Variants in GSTA3 observed in about 807,000 individuals in gnomAD.
The protein encoded by GSTA3 is glutathione S-transferase alpha 3.
In GSTA3, 16 loss-of-function variants were observed where a neutral mutation model predicts 23.1. That is an observed-to-expected ratio of 0.69 (90% CI 0.47 to 1.05). GSTA3 has a LOEUF of 1.05. Ranked by LOEUF, GSTA3 falls within the 50% of genes least tolerant of loss-of-function variation. The pLI, the probability that GSTA3 is intolerant of heterozygous loss-of-function variation, is 0.00. For synonymous variants in GSTA3, 122 were observed against 91.0 expected (o/e 1.34, Z -1.94); for missense variants, 319 against 263.6 (o/e 1.21, Z -1.46).
intron 5 of GSTA3, among the ~76,000 whole-genome samples, chr6:52,898,349 A>G (rs1460323867): frequency 6.6e-6 from 1 of 152,158 alleles, no homozygotes; most frequent in Non-Finnish European, 1.5e-5. Flanking sequence ...TCCCTTGGGC[A>G]GTGACTCCAC....
intron 6 of GSTA3, 52 bp from the exon 7 acceptor site, chr6:52,896,980 A>G: frequency 1.2e-6 from 2 of 1,607,982 alleles, no homozygotes; most frequent in Non-Finnish European, 1.7e-6. Flanking sequence ...TGCCACCACC[A>G]TTAATACCAC....
rs1376766637 is a variant in GSTA3, at chr6:52,905,475, C to A, written c.87+273G>T. Among the ~76,000 whole-genome samples the A allele has an allele frequency of 7.9e-5, 12 of 152,016 alleles. No individual in the cohort carries two copies. In the East Asian group the frequency reaches 2.3e-3, roughly 29 times the overall value. ...GTTATATTTTATAGTTTGTTTAAAT[C>A]CTAATGCAAATAAGGTCCACTCATT... On this transcript the variant is annotated intron_variant, in intron 2 of 6. Transcript: ENST00000211122.
chr6:52,900,510 G>T (rs761938818), intron 4 of GSTA3, among the ~76,000 whole-genome samples: 1 of 152,030 alleles, frequency 6.6e-6, no homozygotes, highest in East Asian at 1.9e-4. Flanking sequence ...TGATCCACCC[G>T]CCTTGGCCTC....
At chr6:52,899,362 G>T (rs189576737) in intron 5 of GSTA3, among the ~76,000 whole-genome samples, 3 of 152,094 alleles carry the variant, frequency 2.0e-5, no homozygotes, top group Non-Finnish European at 4.4e-5. Flanking sequence ...CCTAACCTGC[G>T]CTGTTATAAT....
chr6:52,904,770 C>T (rs922268262), intron 2 of GSTA3, among the ~76,000 whole-genome samples: 1 of 152,162 alleles, frequency 6.6e-6, no homozygotes, highest in East Asian at 1.9e-4. Context: ...CAGCACTTAG[C>T]GGAGTCCCAC....
At chr6:52,904,407 G>C (rs1381047991) in intron 2 of GSTA3, among the ~76,000 whole-genome samples, 1 of 152,178 alleles carries the variant, frequency 6.6e-6, no homozygotes, top group Non-Finnish European at 1.5e-5. Context: ...CAATGAAACA[G>C]GGTATTCATT....
chr6:52,898,076 G>A (rs1212459954), intron 5 of GSTA3, 120 bp from the exon 6 acceptor site: 15 of 1,120,690 alleles, frequency 1.3e-5, no homozygotes, highest in Admixed American at 1.3e-4. Context: ...ATGGTGTGAA[G>A]GTCCAGGCCT....
chr6:52,902,630 CT>C, intron 3 of GSTA3, 152 bp from the exon 4 acceptor site: 1 of 753,826 alleles, frequency 1.3e-6, no homozygotes, highest in Middle Eastern at 2.5e-4. Context: ...TTGATTTTAG[CT>C]GCCTGTAGTT....
chr6:52,905,497 C>T (rs546026415), intron 2 of GSTA3, among the ~76,000 whole-genome samples: 7 of 152,096 alleles, frequency 4.6e-5, no homozygotes, highest in African/African-American at 1.4e-4. Flanking sequence ...AAGGTCCACT[C>T]ATTGTGATTA....
intron 1 of GSTA3, among the ~76,000 whole-genome samples, chr6:52,907,471 G>A (rs1561958049): frequency 6.7e-6 from 1 of 149,956 alleles, no homozygotes; most frequent in Non-Finnish European, 1.5e-5. Context: ...TCCCATTACT[G>A]GGTATATACC....
Position 52,896,674 on chromosome 6 carries a change from T to G in GSTA3, c.*132A>C. 1 of 1,019,388 alleles carries G rather than the reference T, an allele frequency of 9.8e-7. No individual in the cohort carries two copies. The highest frequency in any genetic ancestry group is 1.4e-6 in the Non-Finnish European group (1 of 710,570). The allele number at this position is 1,019,388 out of a possible 1,614,324, so 63.1% of individuals were successfully genotyped here. On this transcript the variant is annotated 3_prime_UTR_variant, in exon 7 of 7. Coordinates refer to ENST00000211122, the MANE Select transcript of GSTA3 (RefSeq NM_000847.5). The stretch of plus-strand genomic sequence containing the variant: ...GTTAGCAAATAGGAGTTTTTATTAT[T>G]TAATTAGCATATAATTGGAAAGGGT...
At chr6:52,902,632 G>C (rs1488362699) in intron 3 of GSTA3, among the ~76,000 whole-genome samples, 154 bp from the exon 4 acceptor site, 1 of 152,204 alleles carries the variant, frequency 6.6e-6, no homozygotes. Flanking sequence ...GATTTTAGCT[G>C]CCTGTAGTTC....
chr6:52,904,876 T>A (rs1046054195), intron 2 of GSTA3, among the ~76,000 whole-genome samples: 3 of 152,212 alleles, frequency 2.0e-5, no homozygotes, highest in Admixed American at 1.3e-4. Flanking sequence ...CCCCTGATTT[T>A]AACCACGTGT....
intron 4 of GSTA3, among the ~76,000 whole-genome samples, 195 bp from the exon 5 acceptor site, chr6:52,900,270 T>C (rs868579722): frequency 3.3e-5 from 5 of 150,590 alleles, no homozygotes; most frequent in South Asian, 2.1e-4. Context: ...TTTTCTTTTT[T>C]TTTTTTTTTT....
At chr6:52,906,132 G>A (rs1225613776) in intron 1 of GSTA3, among the ~76,000 whole-genome samples, 1 of 152,108 alleles carries the variant, frequency 6.6e-6, no homozygotes, top group East Asian at 1.9e-4. Context: ...CTTGCATTAT[G>A]TTCCAACCTA....
Position 52,905,767 on chromosome 6 carries a change from A to G in GSTA3, c.68T>C (p.Leu23Ser). 1 of 1,606,552 alleles carries G rather than the reference A, an allele frequency of 6.2e-7. No homozygotes were observed. The highest frequency in any genetic ancestry group is 8.5e-7 in the Non-Finnish European group (1 of 1,174,168). ...ACATACCTCCACTCCAGCTGCAGCC[A>G]AGAGCCACCGGATGGGCTCCATTCT... ...RGRMEPIRWL[L>S]AAAGVEFEEK... Residue 23 changes from leucine to serine, a missense_variant, in exon 2 of 7, where the codon TTG becomes TCG. Leu to Ser is a moderately radical substitution (Grantham distance 145). Coordinates refer to ENST00000211122, the MANE Select transcript of GSTA3 (RefSeq NM_000847.5).
In GSTA3 at chr6:52,903,720, T is replaced by C; in HGVS notation, c.95A>G (p.Glu32Gly). Residue 32 changes from glutamate to glycine, a missense_variant, in exon 3 of 7, where the codon GAG becomes GGG. Coordinates refer to ENST00000211122, the MANE Select transcript of GSTA3 (RefSeq NM_000847.5). ...LLAAAGVEFE[E>G]KFIGSAEDLG... Reference sequence around the variant, plus strand: ...ATCTTCTGCAGATCCTATAAATTTCTCTTCAAACTGGAAGCAGAAACAGTA... The same window carrying C: ...ATCTTCTGCAGATCCTATAAATTTCCCTTCAAACTGGAAGCAGAAACAGTA... 2.5e-6 allele frequency: 4 copies of C among 1,589,108 alleles called. No homozygotes were observed. The highest frequency in any genetic ancestry group is 3.5e-6 in the Non-Finnish European group (4 of 1,157,716).
intron 2 of GSTA3, among the ~76,000 whole-genome samples, chr6:52,904,823 C>T (rs1765838381): frequency 1.3e-5 from 2 of 152,144 alleles, no homozygotes; most frequent in African/African-American, 4.8e-5. Flanking sequence ...GGGAGGATGG[C>T]CTGGTAACAC....
chr6:52,906,018 A>G (rs1034520222), intron 1 of GSTA3, among the ~76,000 whole-genome samples, 163 bp from the exon 2 acceptor site: 4 of 152,198 alleles, frequency 2.6e-5, no homozygotes, highest in African/African-American at 9.7e-5. Flanking sequence ...TCCAACACCA[A>G]TGTGACTTCA....
Sources: allele counts gnomAD v4.1 joint callset (sites outside exome capture counted in the v4.1 genomes callset), GRCh38; gene constraint gnomAD v4.1.1; transcripts MANE v1.5; gene names NCBI Gene and HGNC (gene_info 2026-07-23, HGNC 2026-07-21).